Variants in NR3C1 observed in about 807,000 individuals in gnomAD.
NR3C1 encodes the protein glucocorticoid receptor.
NR3C1 carries 14 observed loss-of-function variants against 74.0 expected under a neutral mutation model. The observed-to-expected ratio is 0.19, with a 90% CI of 0.12 to 0.30. The LOEUF (loss-of-function observed/expected upper bound fraction) is 0.30, where lower values mean the gene tolerates loss of function less well. Ranked by LOEUF, NR3C1 falls within the 10% of genes least tolerant of loss-of-function variation. The probability of loss-of-function intolerance (pLI) is 1.00; values close to 1 mark genes in which losing one functional copy is unlikely to be tolerated. For synonymous variants in NR3C1, 308 were observed against 332.5 expected, an observed-to-expected ratio of 0.93 and a Z score of 0.80; for missense variants, 695 against 909.8, an observed-to-expected ratio of 0.76 and a Z score of 3.04.
chr5:143,377,827 G>T (rs1315491244), intron 2 of NR3C1, among the ~76,000 whole-genome samples: 11 of 152,084 alleles, frequency 7.2e-5, no homozygotes, highest in Admixed American at 7.2e-4. Flanking sequence ...GTCCATTTTT[G>T]TAGGTTTTGC....
intron 2 of NR3C1, among the ~76,000 whole-genome samples, chr5:143,349,511 G>A (rs895819813): frequency 2.6e-5 from 4 of 152,100 alleles, no homozygotes; most frequent in African/African-American, 9.7e-5. Context: ...TTATCAGATA[G>A]TGGACTCTAT....
At chr5:143,331,555 G>C (rs116360134) in intron 2 of NR3C1, among the ~76,000 whole-genome samples, 1 of 152,254 alleles carries the variant, frequency 6.6e-6, no homozygotes, top group Admixed American at 6.5e-5. Flanking sequence ...ACAGAAGACT[G>C]CATAAAGAAA....
intron 2 of NR3C1, chr5:143,332,707 G>A: frequency 6.3e-7 from 1 of 1,580,398 alleles, no homozygotes. Flanking sequence ...GTGCGTCTCA[G>A]ACGACTAGAA....
chr5:143,382,298 A>C (rs1312608389), intron 2 of NR3C1, among the ~76,000 whole-genome samples: 1 of 152,210 alleles, frequency 6.6e-6, no homozygotes, highest in Non-Finnish European at 1.5e-5. Context: ...ATATATGCCT[A>C]CTATATACCC....
chr5:143,310,012 T>A (rs1050592422), intron 4 of NR3C1, 85 bp downstream of exon 4: 14 of 981,042 alleles, frequency 1.4e-5, no homozygotes, highest in Non-Finnish European at 2.1e-5. Flanking sequence ...ATTAATTACA[T>A]CTGCTTACGT....
intron 3 of NR3C1, 21 bp from the exon 4 acceptor site, chr5:143,310,234 T>C: frequency 2.0e-6 from 3 of 1,526,888 alleles, no homozygotes; most frequent in Non-Finnish European, 1.8e-6. Flanking sequence ...TAAAAGGCAC[T>C]ATTAAAGTTT....
At chr5:143,333,621 A>G (rs1283745777) in intron 2 of NR3C1, among the ~76,000 whole-genome samples, 1 of 152,072 alleles carries the variant, frequency 6.6e-6, no homozygotes, top group Non-Finnish European at 1.5e-5. Flanking sequence ...TACAAAAATG[A>G]GCTGGGTGTG....
upstream of NR3C1, chr5:143,404,355 C>CG: frequency 1.0e-6 from 1 of 985,294 alleles, no homozygotes; most frequent in Non-Finnish European, 1.2e-6. Flanking sequence ...GACGGGATAG[C>CG]GGGGGTCGGC....
chr5:143,346,105 T>C (rs1489670384), intron 2 of NR3C1, among the ~76,000 whole-genome samples: 1 of 152,242 alleles, frequency 6.6e-6, no homozygotes, highest in Non-Finnish European at 1.5e-5. Context: ...AGGCATACAC[T>C]GCATGCTGTC....
rs773165034 is a variant in NR3C1 at position 143,281,253 on chromosome 5, T to C, written c.*636A>G. 1.3e-5 allele frequency: 2 copies of C among 152,518 alleles called. No homozygotes were observed. Among genetic ancestry groups the C allele is most frequent in the Middle Eastern group, 3.2e-3 (1 of 316 alleles). The allele number at this position is 152,518 out of a possible 1,614,324, so 9.4% of individuals were successfully genotyped here. ...ATGATTGATTAATGTTTAGAGTTTATTTGGGAAAGCTACGAACTAGCTGCC... is the reference window on the plus strand; with the variant it reads ...ATGATTGATTAATGTTTAGAGTTTACTTGGGAAAGCTACGAACTAGCTGCC... On this transcript the variant is annotated 3_prime_UTR_variant, in exon 9 of 9. Transcript: ENST00000394464.
chr5:143,431,520 G>T (rs1751823386), intron 1 of NR3C1, among the ~76,000 whole-genome samples: 1 of 152,068 alleles, frequency 6.6e-6, no homozygotes. Context: ...AGGGGAGGGA[G>T]AGCATCAGGA....
At chr5:143,290,754 G>C (rs1005437884) in intron 7 of NR3C1, among the ~76,000 whole-genome samples, 3 of 151,768 alleles carry the variant, frequency 2.0e-5, no homozygotes, top group Non-Finnish European at 1.5e-5. Context: ...TAGTAGAGTC[G>C]GGGTTTCGCC....
At position 143,300,892 on chromosome 5, in the gene NR3C1, T is replaced by C. The variant is rs572175305; in HGVS notation, c.1469-129A>G. The C allele has an allele frequency of 4.1e-5, 43 of 1,041,486 alleles. No individual in the cohort carries two copies. In the East Asian group the frequency reaches 8.7e-4, roughly 21 times the overall value. 64.5% of individuals were successfully genotyped at this position (1,041,486 alleles called of 1,614,324 possible). On this transcript the variant is annotated intron_variant, in intron 4 of 8. Coordinates refer to ENST00000394464, the MANE Select transcript of NR3C1 (RefSeq NM_000176.3). This position sits in a 1 kb window ranked among gnomAD's most constrained non-coding sequence, Gnocchi z 5.2. ...GGAGAAATATTTTATTTAGCAATTA[T>C]GATAAAGTGACATGGAAAAGGAGAA...
chr5:143,404,088 C>G (rs921496657), upstream of NR3C1: 2 of 985,502 alleles, frequency 2.0e-6, no homozygotes, highest in Non-Finnish European at 1.2e-6. Flanking sequence ...TCCAGACCCA[C>G]TCGGGAGCTC....
intron 3 of NR3C1, among the ~76,000 whole-genome samples, chr5:143,312,958 T>C (rs1296841885): frequency 6.6e-6 from 1 of 152,222 alleles, no homozygotes; most frequent in Non-Finnish European, 1.5e-5. Flanking sequence ...ATCCTTGTAA[T>C]CTTTGTGGTG....
At chr5:143,352,585 T>C (rs1181335676) in intron 2 of NR3C1, among the ~76,000 whole-genome samples, 1 of 152,236 alleles carries the variant, frequency 6.6e-6, no homozygotes. Flanking sequence ...GGTTCGGTTC[T>C]AGACCACAAT....
chr5:143,390,000 C>T (rs907030392), intron 2 of NR3C1: 4 of 831,596 alleles, frequency 4.8e-6, no homozygotes, highest in Admixed American at 6.2e-5. Flanking sequence ...TCTAAAAAAT[C>T]TAAAGTTCTT....
intron 4 of NR3C1, among the ~76,000 whole-genome samples, chr5:143,304,596 GC>G (rs1819180066): frequency 6.6e-6 from 1 of 151,984 alleles, no homozygotes; most frequent in Non-Finnish European, 1.5e-5. Context: ...GCCCCAAATA[GC>G]CAAAGCAATC....
At chr5:143,367,584 A>G (rs1405243975) in intron 2 of NR3C1, among the ~76,000 whole-genome samples, 1 of 152,224 alleles carries the variant, frequency 6.6e-6, no homozygotes, top group Non-Finnish European at 1.5e-5. Context: ...ACACACAAAA[A>G]TCAGTTGCAT....
Sources: gnomAD v4.1 joint callset for allele counts (sites outside exome capture counted in the v4.1 genomes callset) on GRCh38, gnomAD v4.1.1 for gene constraint, Gnocchi (gnomAD v3.1) non-coding constraint, MANE v1.5 for transcripts, NCBI Gene and HGNC (gene_info 2026-07-23, HGNC 2026-07-21) for gene names.